The following FOXN2 variants were observed in gnomAD, a reference collection of about 807,000 sequenced individuals.
The protein encoded by FOXN2 is forkhead box N2.
Under a neutral mutation model 41.2 loss-of-function variants are expected in FOXN2, and 19 were observed. The ratio of observed to expected loss-of-function variants is 0.46; its 90% CI spans 0.32 to 0.68. The LOEUF is 0.68. Ranked by LOEUF, FOXN2 falls within the 30% of genes least tolerant of loss-of-function variation. The pLI is 0.03. For missense variants in FOXN2, 587 were observed against 509.4 expected (o/e 1.15, Z -1.47); for synonymous variants, 195 against 176.8 (o/e 1.10, Z -0.82).
At chr2:48,333,530 G>C (rs139704512) in intron 2 of FOXN2, among the ~76,000 whole-genome samples, 2 of 152,172 alleles carry the variant, frequency 1.3e-5, no homozygotes, top group African/African-American at 4.8e-5. Flanking sequence ...ACAAGTATTT[G>C]TTGGGGGGAA....
intron 1 of FOXN2, among the ~76,000 whole-genome samples, chr2:48,320,763 G>C (rs1669256312): frequency 6.6e-6 from 1 of 152,168 alleles, no homozygotes; most frequent in African/African-American, 2.4e-5. Flanking sequence ...GTTAGGATGA[G>C]ATGCTTACAT....
chr2:48,319,975 A>G (rs1669189096), intron 1 of FOXN2, among the ~76,000 whole-genome samples: 1 of 151,770 alleles, frequency 6.6e-6, no homozygotes, highest in African/African-American at 2.4e-5. Flanking sequence ...TAGTGTGGTT[A>G]TTCTGGGTTT....
intron 2 of FOXN2, among the ~76,000 whole-genome samples, chr2:48,331,909 C>T (rs1175692080): frequency 1.3e-5 from 2 of 151,578 alleles, no homozygotes; most frequent in African/African-American, 2.4e-5. Context: ...ATTCATATAC[C>T]CATATTTTTA....
At chr2:48,336,033 A>AT (rs111536480) in intron 2 of FOXN2, among the ~76,000 whole-genome samples, 36,629 of 148,590 alleles carry the variant, frequency 0.25, 4,928 homozygotes, top group East Asian at 0.52. Flanking sequence ...GTCTCAAAAA[A>AT]AAAAAAAATA....
chr2:48,358,246 A>T (rs1338155806), intron 3 of FOXN2, among the ~76,000 whole-genome samples: 1 of 151,904 alleles, frequency 6.6e-6, no homozygotes, highest in Non-Finnish European at 1.5e-5. Flanking sequence ...TTCAACCAAC[A>T]TGCAGCAACC....
At chr2:48,364,166 TAAA>T (rs1287699711) in intron 5 of FOXN2, among the ~76,000 whole-genome samples, 1 of 152,176 alleles carries the variant, frequency 6.6e-6, no homozygotes, top group African/African-American at 2.4e-5. Flanking sequence ...ATTTGGGCAA[TAAA>T]AACATTTATT....
chr2:48,367,967 C>CA (rs1672636161), intron 5 of FOXN2, among the ~76,000 whole-genome samples: 1 of 152,210 alleles, frequency 6.6e-6, no homozygotes, highest in Non-Finnish European at 1.5e-5. Context: ...CTCAGCCTCC[C>CA]AAGTAGCTGG....
intron 5 of FOXN2, among the ~76,000 whole-genome samples, chr2:48,363,377 AATT>A (rs1364760320): frequency 3.3e-5 from 5 of 150,600 alleles, no homozygotes; most frequent in Non-Finnish European, 7.4e-5. Flanking sequence ...AAATTTAAAA[AATT>A]AAAAAGTTTA....
chr2:48,364,723 C>T (rs1432141122), intron 5 of FOXN2, among the ~76,000 whole-genome samples: 1 of 152,216 alleles, frequency 6.6e-6, no homozygotes, highest in Non-Finnish European at 1.5e-5. Flanking sequence ...GTCCCATGAG[C>T]TAAGGATGGT....
intron 2 of FOXN2, among the ~76,000 whole-genome samples, chr2:48,339,288 C>A (rs1572722946): frequency 6.6e-6 from 1 of 152,078 alleles, no homozygotes; most frequent in Non-Finnish European, 1.5e-5. Flanking sequence ...GAATTGTAAT[C>A]CCCAAGTGTT....
chr2:48,344,848 C>G (rs966353481), intron 2 of FOXN2, among the ~76,000 whole-genome samples: 28 of 150,278 alleles, frequency 1.9e-4, no homozygotes, highest in Middle Eastern at 3.5e-3. Flanking sequence ...GTACCCCCCC[C>G]CCCCAATTAT....
chr2:48,361,958 A>G (rs1356786174), intron 4 of FOXN2, among the ~76,000 whole-genome samples: 2 of 152,230 alleles, frequency 1.3e-5, no homozygotes, highest in African/African-American at 4.8e-5. Context: ...AAACTTAAGA[A>G]TCCAATGCAA....
At chr2:48,342,198 G>T (rs1558622871) in intron 2 of FOXN2, among the ~76,000 whole-genome samples, 1 of 151,964 alleles carries the variant, frequency 6.6e-6, no homozygotes, top group Non-Finnish European at 1.5e-5. Context: ...CTTTTTCACT[G>T]GTTTTTATAA....
chr2:48,373,282 C>G lies in FOXN2; in HGVS notation c.704-10C>G, dbSNP rs1673027218. ...AAGAACATTAATATTATTACTTTTT[C>G]CCTTTTCAGAATCTGATATTGATGC... On this transcript the variant is annotated splice_polypyrimidine_tract_variant and intron_variant, in intron 5 of 6. Coordinates refer to ENST00000340553, the MANE Select transcript of FOXN2 (RefSeq NM_002158.4). 1 of 1,570,638 alleles carries G rather than the reference C, an allele frequency of 6.4e-7. No homozygotes were observed. The highest frequency in any genetic ancestry group is 1.8e-5 in the Admixed American group (1 of 56,574).
chr2:48,328,731 A>G (rs979105722), intron 2 of FOXN2, 29 bp downstream of exon 2: 2 of 151,932 alleles, frequency 1.3e-5, no homozygotes, highest in Non-Finnish European at 2.9e-5. Flanking sequence ...TTTAATTATT[A>G]TTTTTGCTCT....
chr2:48,368,442 A>T (rs1470062712), intron 5 of FOXN2, among the ~76,000 whole-genome samples: 2 of 152,188 alleles, frequency 1.3e-5, no homozygotes, highest in Admixed American at 1.3e-4. Flanking sequence ...TGGGAGGCCG[A>T]GATGGATCCC....
chr2:48,374,845 T>C (rs1020079531), intron 6 of FOXN2, 75 bp from the exon 7 acceptor site: 8 of 1,215,968 alleles, frequency 6.6e-6, no homozygotes, highest in African/African-American at 6.1e-5. Context: ...TCAAGAGTAA[T>C]GTAGTAGTTT....
At chr2:48,350,841 A>G (rs566942193) in intron 3 of FOXN2, among the ~76,000 whole-genome samples, 3 of 152,284 alleles carry the variant, frequency 2.0e-5, no homozygotes, top group African/African-American at 7.2e-5. Flanking sequence ...TCTTTAATAA[A>G]TGTTTTAAAA....
Position 48,320,327 on chromosome 2 carries a change from G to C in FOXN2, c.-157+5513G>C, listed in dbSNP as rs187528332. On this transcript the variant is annotated intron_variant, in intron 1 of 6. Transcript: ENST00000340553. ...TTATTTTGAGATGGAGTTGTGCTCTGTCGCCCATGTTGGAGTGCAGTGGCT... is the reference window on the plus strand; with the variant it reads ...TTATTTTGAGATGGAGTTGTGCTCTCTCGCCCATGTTGGAGTGCAGTGGCT... Among the ~76,000 whole-genome samples the C allele has an allele frequency of 1.1e-3, 172 of 150,604 alleles. 2 individuals are homozygous for C. Among genetic ancestry groups the C allele is most frequent in the Admixed American group, 4.6e-3 (70 of 15,150 alleles).
Sources: allele counts gnomAD v4.1 joint callset (sites outside exome capture counted in the v4.1 genomes callset), GRCh38; gene constraint gnomAD v4.1.1; transcripts MANE v1.5; gene names NCBI Gene and HGNC (gene_info 2026-07-23, HGNC 2026-07-21).